MARCHF1: variants seen among roughly 807,000 people sequenced by gnomAD.
MARCHF1 encodes membrane associated ring-CH-type finger 1.
Under a neutral mutation model 54.2 loss-of-function variants are expected in MARCHF1, and 40 were observed. The observed-to-expected ratio is 0.74, with a 90% CI of 0.57 to 0.96. MARCHF1 has a LOEUF of 0.96. MARCHF1 is among the 40% of genes least tolerant of loss of function. The pLI is 0.00. For synonymous variants in MARCHF1, 236 were observed against 236.3 expected, an observed-to-expected ratio of 1.00 and a Z score of 0.01; for missense variants, 586 against 656.5, an observed-to-expected ratio of 0.89 and a Z score of 1.17.
At chr4:164,115,603 G>C (rs1370423601) in intron 1 of MARCHF1, among the ~76,000 whole-genome samples, 3 of 152,030 alleles carry the variant, frequency 2.0e-5, no homozygotes, top group African/African-American at 7.2e-5. Flanking sequence ...AAACTGAAGA[G>C]ACATTGCAGA....
At chr4:164,035,633 C>CAAAAAA (rs34846855) in intron 2 of MARCHF1, among the ~76,000 whole-genome samples, 1 of 144,220 alleles carries the variant, frequency 6.9e-6, no homozygotes, top group Non-Finnish European at 1.5e-5. Flanking sequence ...ATAAAGAATA[C>CAAAAAA]AAAAAAAAAA....
chr4:163,808,611 C>T (rs917199779), intron 4 of MARCHF1, among the ~76,000 whole-genome samples: 33 of 152,100 alleles, frequency 2.2e-4, no homozygotes, highest in African/African-American at 8.0e-4. Context: ...CTTTGTCACC[C>T]AGTCTGGAGT....
At chr4:163,565,311 G>T (rs990158729) in intron 8 of MARCHF1, among the ~76,000 whole-genome samples, 2 of 152,118 alleles carry the variant, frequency 1.3e-5, no homozygotes, top group African/African-American at 4.8e-5. Flanking sequence ...AAAGTAACAG[G>T]TTTGTGCATA....
intron 3 of MARCHF1, among the ~76,000 whole-genome samples, chr4:163,897,474 A>G (rs577104800): frequency 6.6e-6 from 1 of 152,276 alleles, no homozygotes; most frequent in Admixed American, 6.5e-5. Context: ...AAATTATACT[A>G]TAAGGCTATA....
At chr4:163,727,277 G>T (rs1014566176) in intron 4 of MARCHF1, among the ~76,000 whole-genome samples, 6 of 151,588 alleles carry the variant, frequency 4.0e-5, no homozygotes. Flanking sequence ...TTTCATGAAG[G>T]GTGTAGGGTT....
intron 1 of MARCHF1, among the ~76,000 whole-genome samples, chr4:164,199,454 C>T (rs977657931): frequency 7.9e-5 from 12 of 152,024 alleles, no homozygotes; most frequent in African/African-American, 2.7e-4. Context: ...CCAGCCTGGC[C>T]AACATGGTAA....
chr4:163,743,136 A>T (rs1746257803), intron 4 of MARCHF1, among the ~76,000 whole-genome samples: 1 of 152,226 alleles, frequency 6.6e-6, no homozygotes, highest in African/African-American at 2.4e-5. Flanking sequence ...TACTGGGGGA[A>T]GAGGACAGAG....
At chr4:164,380,403 GA>G (rs1352854382) in intron 1 of MARCHF1, among the ~76,000 whole-genome samples, 1 of 152,168 alleles carries the variant, frequency 6.6e-6, no homozygotes, top group Non-Finnish European at 1.5e-5. Flanking sequence ...AGGCAAGGCA[GA>G]TATTATCATC....
intron 1 of MARCHF1, among the ~76,000 whole-genome samples, chr4:164,229,983 C>T (rs1302806741): frequency 6.6e-6 from 1 of 152,158 alleles, no homozygotes; most frequent in Non-Finnish European, 1.5e-5. Flanking sequence ...CAGATCCAAA[C>T]CGTACCACCT....
At position 163,585,739 on chromosome 4, in the gene MARCHF1, G is replaced by T; in HGVS notation, c.1191+10C>A. 1 of 1,550,758 alleles carries T rather than the reference G, an allele frequency of 6.4e-7. No individual in the cohort carries two copies. Among genetic ancestry groups the T allele is most frequent in the Non-Finnish European group, 8.7e-7 (1 of 1,146,238 alleles). On this transcript the variant is annotated intron_variant, in intron 8 of 9. Coordinates refer to ENST00000514618, the MANE Select transcript of MARCHF1 (RefSeq NM_001394959.1). Reference sequence around the variant, plus strand: ...GGTCCCTCCCAAACCAATTCCTATGGATACTGTACCTTCCGGAGGGGTTTG... The same window carrying T: ...GGTCCCTCCCAAACCAATTCCTATGTATACTGTACCTTCCGGAGGGGTTTG...
At chr4:164,279,190 A>T (rs1733961065) in intron 1 of MARCHF1, among the ~76,000 whole-genome samples, 2 of 151,796 alleles carry the variant, frequency 1.3e-5, no homozygotes, top group South Asian at 4.1e-4. Flanking sequence ...TTCATACAAG[A>T]TTTAAATATT....
At chr4:163,884,537 T>G (rs2111251674) in intron 3 of MARCHF1, among the ~76,000 whole-genome samples, 1 of 152,186 alleles carries the variant, frequency 6.6e-6, no homozygotes, top group South Asian at 2.1e-4. Context: ...CTTCCCCTTG[T>G]TCCTAGTAAC....
intron 1 of MARCHF1, among the ~76,000 whole-genome samples, chr4:164,277,235 G>A (rs1385867597): frequency 1.3e-5 from 2 of 152,076 alleles, no homozygotes; most frequent in African/African-American, 4.8e-5. Context: ...ATTTTTGCCT[G>A]TTTTATTCCC....
At chr4:163,575,956 G>A (rs1246036021) in intron 8 of MARCHF1, among the ~76,000 whole-genome samples, 2 of 151,722 alleles carry the variant, frequency 1.3e-5, no homozygotes, top group African/African-American at 2.4e-5. Flanking sequence ...TCTAGTTAGT[G>A]GCCTATTGAC....
intron 1 of MARCHF1, among the ~76,000 whole-genome samples, chr4:164,294,832 C>T (rs1734371879): frequency 6.6e-6 from 1 of 152,116 alleles, no homozygotes; most frequent in East Asian, 1.9e-4. Flanking sequence ...ATATTGTAAT[C>T]TATTTATAGG....
At position 163,733,209 on chromosome 4, in the gene MARCHF1, A is replaced by ATATACACATGTG. The variant is rs1745916190; in HGVS notation, c.112-32347_112-32346insCACATGTGTATA. Among the ~76,000 whole-genome samples the ATATACACATGTG allele has an allele frequency of 6.2e-4, 22 of 35,744 alleles. 2 individuals are homozygous for ATATACACATGTG. The highest frequency in any genetic ancestry group is 5.3e-3 in the East Asian group (7 of 1,318). The allele number at this position is 35,744 out of a possible 152,430, so 23.4% of individuals were successfully genotyped here. Reference sequence around the variant, plus strand: ...TATATATATATATATATATATATATATATATATATATACACGTGTATATAT... The same window carrying ATATACACATGTG: ...TATATATATATATATATATATATATATATACACATGTGTATATATATATACACGTGTATATAT... On this transcript the variant is annotated intron_variant, in intron 4 of 9. Transcript: ENST00000514618.
intron 1 of MARCHF1, among the ~76,000 whole-genome samples, chr4:164,366,437 C>T (rs1400780280): frequency 2.6e-5 from 4 of 151,850 alleles, no homozygotes; most frequent in Non-Finnish European, 5.9e-5. Context: ...ATAAATATAA[C>T]TTAATATTGT....
At chr4:163,609,039 T>C (rs1218441194) in intron 7 of MARCHF1, among the ~76,000 whole-genome samples, 1 of 152,066 alleles carries the variant, frequency 6.6e-6, no homozygotes, top group Non-Finnish European at 1.5e-5. Flanking sequence ...TGACCTTGAA[T>C]AGATTTTCAG....
At chr4:164,349,909 C>A (rs1730229504) in intron 1 of MARCHF1, among the ~76,000 whole-genome samples, 2 of 152,100 alleles carry the variant, frequency 1.3e-5, no homozygotes, top group South Asian at 4.1e-4. Context: ...AAAAAACTTA[C>A]CTTTTGAAGT....
Sources: gnomAD v4.1 joint callset for allele counts (sites outside exome capture counted in the v4.1 genomes callset) on GRCh38, gnomAD v4.1.1 for gene constraint, MANE v1.5 for transcripts, NCBI Gene and HGNC (gene_info 2026-07-23, HGNC 2026-07-21) for gene names.